Variants in DCAF13 observed in about 807,000 individuals in gnomAD.
DCAF13 encodes DDB1- and CUL4-associated factor 13.
In DCAF13, 38 loss-of-function variants were observed where a neutral mutation model predicts 59.0. The observed-to-expected ratio is 0.64, with a 90% CI of 0.50 to 0.84. DCAF13 has a LOEUF of 0.84. DCAF13 is among the 40% of genes least tolerant of loss of function. DCAF13 has a pLI of 0.00. For missense variants in DCAF13, 469 were observed against 558.4 expected (o/e 0.84, Z 1.61); for synonymous variants, 173 against 175.0 (o/e 0.99, Z 0.09).
At chr8:103,427,418 CA>C in intron 5 of DCAF13, 166 bp downstream of exon 5, 1 of 633,656 alleles carries the variant, frequency 1.6e-6, no homozygotes, top group Non-Finnish European at 2.7e-6. Context: ...GCTCAAATCC[CA>C]ACATGTTTCC....
At position 103,420,404 on chromosome 8, in the gene DCAF13, T is replaced by C. The variant is rs898727661; in HGVS notation, c.211T>C (p.Cys71Arg). ...SLDGHRDGVN[C>R]LAKHPEKLAT... Reference sequence around the variant, plus strand: ...GGATGGTCACCGTGATGGAGTCAATTGCTTGGCAAAGCATCCAGAGAAGCT... The same window carrying C: ...GGATGGTCACCGTGATGGAGTCAATCGCTTGGCAAAGCATCCAGAGAAGCT... Residue 71 changes from cysteine (C) to arginine (R), a missense_variant, in exon 2 of 11, where the codon TGC becomes CGC. Physicochemically the swap from Cys to Arg is radical, Grantham distance 180 (BLOSUM62 -3). This residue lies in a region of DCAF13 where 355 missense variants were observed against 399.1 expected (regional missense o/e 0.89). Transcript: ENST00000612750. 3 of 1,614,034 alleles carry C rather than the reference T, an allele frequency of 1.9e-6. No homozygotes were observed. In the African/African-American group the frequency reaches 4.0e-5, roughly 22 times the overall value.
At chr8:103,440,330 TAC>T in intron 9 of DCAF13, 59 bp downstream of exon 9, 2 of 1,420,698 alleles carry the variant, frequency 1.4e-6, no homozygotes, top group Non-Finnish European at 1.9e-6. Flanking sequence ...TATTAGATAT[TAC>T]ATTATGAAAA....
At chr8:103,423,172 T>C (rs1324705628) in intron 3 of DCAF13, among the ~76,000 whole-genome samples, 1 of 152,132 alleles carries the variant, frequency 6.6e-6, no homozygotes, top group African/African-American at 2.4e-5. Context: ...TTACACTTGG[T>C]TATTCTCTTG....
At chr8:103,441,640 T>C (rs1482093121) in intron 10 of DCAF13, 22 bp downstream of exon 10, 2 of 1,602,916 alleles carry the variant, frequency 1.2e-6, no homozygotes, top group Non-Finnish European at 1.7e-6. Context: ...GGCATTTGAC[T>C]CTATTACCCT....
At chr8:103,426,925 G>C (rs1319350285) in intron 4 of DCAF13, among the ~76,000 whole-genome samples, 172 bp from the exon 5 acceptor site, 2 of 152,076 alleles carry the variant, frequency 1.3e-5, no homozygotes, top group Non-Finnish European at 2.9e-5. Context: ...TTCTTAAAAT[G>C]TCTTGTCTCA....
At chr8:103,435,861 G>A (rs752491312) in intron 8 of DCAF13, 71 bp downstream of exon 8, 59 of 1,471,538 alleles carry the variant, frequency 4.0e-5, no homozygotes, top group Non-Finnish European at 5.4e-5. Flanking sequence ...TGAGAAATGA[G>A]TCATTGGGCG....
At position 103,427,275 on chromosome 8, in the gene DCAF13, T is replaced by C. The variant is rs1274263803; in HGVS notation, c.624+23T>C. On this transcript the variant is annotated intron_variant, in intron 5 of 10. Coordinates refer to ENST00000612750, the MANE Select transcript of DCAF13 (RefSeq NM_015420.7). ...GAGGTAATGTTTTTTTTTAAGTATG[T>C]TTTACTTATTATGGCTTAATAATTT... 1.9e-6 allele frequency: 3 copies of C among 1,580,278 alleles called. No homozygotes were observed. In the Admixed American group the frequency reaches 5.1e-5, roughly 27 times the overall value.
At chr8:103,426,206 A>G (rs1816791279) in intron 4 of DCAF13, 61 bp downstream of exon 4, 2 of 1,016,232 alleles carry the variant, frequency 2.0e-6, no homozygotes, top group Non-Finnish European at 2.9e-6. Context: ...AAATTATTTT[A>G]TAGTTATAAT....
intron 6 of DCAF13, among the ~76,000 whole-genome samples, chr8:103,431,076 A>T (rs550536713): frequency 2.0e-5 from 3 of 152,324 alleles, no homozygotes; most frequent in African/African-American, 7.2e-5. Context: ...ACACTATTTT[A>T]TTCCAGAAGG....
intron 1 of DCAF13, among the ~76,000 whole-genome samples, chr8:103,416,676 C>A (rs980101119): frequency 1.3e-5 from 2 of 152,204 alleles, no homozygotes; most frequent in African/African-American, 4.8e-5. Flanking sequence ...CACATTGTCT[C>A]ATGATTATTA....
chr8:103,441,779 TTC>T, intron 10 of DCAF13, 161 bp downstream of exon 10: 1 of 688,534 alleles, frequency 1.5e-6, no homozygotes, highest in Non-Finnish European at 2.3e-6. Context: ...CTTTTCTTTT[TTC>T]TTTTTTTTTT....
intron 9 of DCAF13, chr8:103,440,775 T>G (rs546205765): frequency 6.6e-6 from 1 of 152,354 alleles, no homozygotes; most frequent in Non-Finnish European, 1.5e-5. Context: ...GCTGGTTACC[T>G]CCAGGATAGG....
chr8:103,420,476 C>G lies in DCAF13; in HGVS notation c.270+13C>G. On this transcript the variant is annotated intron_variant, in intron 2 of 10. Transcript: ENST00000612750. ...GTGTGATGGAGAGGCAAGTGTCAAT[C>G]TAGATGATATTTTCAACTAAAAGTA... 6.2e-7 allele frequency: 1 copy of G among 1,608,110 alleles called. No individual in the cohort carries two copies. The highest frequency in any genetic ancestry group is 8.5e-7 in the Non-Finnish European group (1 of 1,176,484).
chr8:103,440,436 G>T, intron 9 of DCAF13, 165 bp downstream of exon 9: 1 of 545,954 alleles, frequency 1.8e-6, no homozygotes, highest in Admixed American at 3.9e-5. Context: ...ATAATTATTT[G>T]CTTCATTCTG....
In DCAF13 at chr8:103,416,489, A is replaced by G. The variant is rs1247670620; in HGVS notation, c.70+973A>G. 5.3e-5 allele frequency among the ~76,000 whole-genome samples: 8 copies of G among 152,302 alleles called. No homozygotes were observed. The East Asian group carries it at 1.5e-3, about 29-fold the overall frequency. On this transcript the variant is annotated intron_variant, in intron 1 of 10. Coordinates refer to ENST00000612750, the MANE Select transcript of DCAF13 (RefSeq NM_015420.7). ...TTTAGTATTCACCCTTGCAAATCTC[A>G]GTGCGTTTCAGTCATCTTTTTTAAG...
intron 3 of DCAF13, among the ~76,000 whole-genome samples, chr8:103,421,896 T>G (rs1816727401): frequency 2.0e-5 from 3 of 152,248 alleles, no homozygotes; most frequent in African/African-American, 7.2e-5. Context: ...TTCCACCTTT[T>G]GGCTATTGTG....
At chr8:103,432,294 C>G (rs1225929217) in intron 6 of DCAF13, among the ~76,000 whole-genome samples, 1 of 152,198 alleles carries the variant, frequency 6.6e-6, no homozygotes, top group African/African-American at 2.4e-5. Context: ...CAGGTCAGTT[C>G]AAATCATACT....
intron 8 of DCAF13, among the ~76,000 whole-genome samples, chr8:103,436,706 A>G (rs1369128710): frequency 1.3e-5 from 2 of 152,190 alleles, no homozygotes; most frequent in Non-Finnish European, 2.9e-5. Context: ...TAAGTCCTGT[A>G]TAGATACAGC....
intron 3 of DCAF13, 97 bp downstream of exon 3, chr8:103,421,179 G>A (rs1284109046): frequency 5.8e-6 from 5 of 866,934 alleles, no homozygotes; most frequent in African/African-American, 1.7e-5. Context: ...TTTGTTCCTA[G>A]GCCCTTTTGG....
Sources: allele counts gnomAD v4.1 joint callset (sites outside exome capture counted in the v4.1 genomes callset), GRCh38; gene constraint gnomAD v4.1.1; regional missense constraint gnomAD v4.1.1; transcripts MANE v1.5; gene names NCBI Gene and HGNC (gene_info 2026-07-23, HGNC 2026-07-21).